PRKCA: variants seen among roughly 807,000 people sequenced by gnomAD.
The protein encoded by PRKCA is protein kinase C alpha, also known as protein kinase C alpha type.
In PRKCA, 27 loss-of-function variants were observed where a neutral mutation model predicts 87.0. That is an observed-to-expected ratio of 0.31 (90% CI 0.23 to 0.43). PRKCA has a LOEUF of 0.43. PRKCA is among the 20% of genes least tolerant of loss of function. The pLI is 1.00. For synonymous variants in PRKCA, 329 were observed against 311.1 expected, an observed-to-expected ratio of 1.06 and a Z score of -0.61; for missense variants, 518 against 852.3, an observed-to-expected ratio of 0.61 and a Z score of 4.88.
At chr17:66,645,100 A>G (rs1016416510) in intron 4 of PRKCA, among the ~76,000 whole-genome samples, 1 of 152,218 alleles carries the variant, frequency 6.6e-6, no homozygotes, top group Non-Finnish European at 1.5e-5. Flanking sequence ...TGAATTTTGT[A>G]TACTGTTAAA....
chr17:66,485,223 T>G (rs1217139105), intron 2 of PRKCA, among the ~76,000 whole-genome samples: 2 of 152,290 alleles, frequency 1.3e-5, no homozygotes, highest in East Asian at 3.9e-4. Context: ...GAATGAACGA[T>G]GCTCCCCCAA....
chr17:66,342,469 A>C (rs902827850), intron 2 of PRKCA, among the ~76,000 whole-genome samples: 45 of 145,278 alleles, frequency 3.1e-4, no homozygotes, highest in African/African-American at 1.1e-3. Context: ...TAATAATAAT[A>C]ATAATAATAA....
intron 8 of PRKCA, among the ~76,000 whole-genome samples, chr17:66,712,409 A>G (rs1973353471): frequency 6.6e-6 from 1 of 152,212 alleles, no homozygotes; most frequent in African/African-American, 2.4e-5. Flanking sequence ...TGTTATTCCA[A>G]AGAAACATCT....
At chr17:66,791,853 G>A (rs1975546591) in intron 16 of PRKCA, among the ~76,000 whole-genome samples, 1 of 152,260 alleles carries the variant, frequency 6.6e-6, no homozygotes, top group Admixed American at 6.5e-5. Context: ...GTTATTCTGG[G>A]ATGTGGTGTT....
At chr17:66,531,406 C>T (rs951861951) in intron 3 of PRKCA, among the ~76,000 whole-genome samples, 1 of 152,170 alleles carries the variant, frequency 6.6e-6, no homozygotes, top group Non-Finnish European at 1.5e-5. Flanking sequence ...TCCACATCTC[C>T]GGGGTGGGAG....
rs568812695 is a variant in PRKCA, at chr17:66,374,274, G to A, written c.205+68147G>A. Among the ~76,000 whole-genome samples, 6 of 152,246 alleles carry A rather than the reference G, an allele frequency of 3.9e-5. No individual in the cohort carries two copies. In the South Asian group the frequency reaches 1.2e-3, roughly 32 times the overall value. ...CAGCTCCCTCAGCCCATGTGTCCCC[G>A]CTTTGCCAGCTCTTCTGTGTGCTAA... On this transcript the variant is annotated intron_variant, in intron 2 of 16. Coordinates refer to ENST00000413366, the MANE Select transcript of PRKCA (RefSeq NM_002737.3).
chr17:66,545,199 C>T lies in PRKCA; in HGVS notation c.288+48916C>T, dbSNP rs184740085. On this transcript the variant is annotated intron_variant, in intron 3 of 16. Transcript: ENST00000413366. ...ATCCCAGCACTTTGGGAGGCCAAGG[C>T]GGGCAGATCACGAGGTCAGGAGATC... Among the ~76,000 whole-genome samples the T allele has an allele frequency of 2.5e-3, 373 of 152,172 alleles. 2 individuals carry two copies. The highest frequency in any genetic ancestry group is 8.4e-3 in the African/African-American group (348 of 41,502).
At chr17:66,738,717 CT>C in intron 10 of PRKCA, 46 bp from the exon 11 acceptor site, 2 of 1,518,884 alleles carry the variant, frequency 1.3e-6, no homozygotes, top group South Asian at 1.1e-5. Flanking sequence ...AAGGAAGCCA[CT>C]TGGCTGGGGA....
chr17:66,532,107 T>G lies in PRKCA; in HGVS notation c.288+35824T>G, dbSNP rs1421661745. 4.0e-5 allele frequency among the ~76,000 whole-genome samples: 6 copies of G among 151,846 alleles called. No homozygotes were observed. The East Asian group carries it at 1.2e-3, about 29-fold the overall frequency. On this transcript the variant is annotated intron_variant, in intron 3 of 16. Coordinates refer to ENST00000413366, the MANE Select transcript of PRKCA (RefSeq NM_002737.3). ...AGGGAACATTGCAGATGGTTTTGCCTTTAGGGATGGATTTTCTTACTCCCA... is the reference window on the plus strand; with the variant it reads ...AGGGAACATTGCAGATGGTTTTGCCGTTAGGGATGGATTTTCTTACTCCCA...
chr17:66,785,907 CA>C (rs1349276764), intron 14 of PRKCA, among the ~76,000 whole-genome samples: 1 of 152,254 alleles, frequency 6.6e-6, no homozygotes, highest in African/African-American at 2.4e-5. Flanking sequence ...CAGCTCACTG[CA>C]AGCCCCGCCT....
chr17:66,710,206 CCTGGG>C (rs1973289317), intron 8 of PRKCA, among the ~76,000 whole-genome samples: 1 of 151,978 alleles, frequency 6.6e-6, no homozygotes, highest in Non-Finnish European at 1.5e-5. Context: ...GAGACCTGCA[CCTGGG>C]GTGCCTCCGG....
At chr17:66,585,768 C>G (rs2143497522) in intron 3 of PRKCA, among the ~76,000 whole-genome samples, 1 of 152,324 alleles carries the variant, frequency 6.6e-6, no homozygotes, top group East Asian at 1.9e-4. Context: ...AAATGTCTCC[C>G]AGCCTTGGTT....
intron 2 of PRKCA, among the ~76,000 whole-genome samples, chr17:66,445,662 C>T (rs1008011066): frequency 6.6e-6 from 1 of 152,162 alleles, no homozygotes; most frequent in Admixed American, 6.5e-5. Context: ...TGCTGTGTGT[C>T]CTGGGCTGTG....
chr17:66,530,598 G>C (rs1309629184), intron 3 of PRKCA, among the ~76,000 whole-genome samples: 2 of 152,142 alleles, frequency 1.3e-5, no homozygotes, highest in African/African-American at 2.4e-5. Context: ...TTGCTCCAAA[G>C]AAGAGAGCAG....
At chr17:66,440,692 C>T (rs1014970932) in intron 2 of PRKCA, among the ~76,000 whole-genome samples, 17 of 152,022 alleles carry the variant, frequency 1.1e-4, no homozygotes, top group Admixed American at 2.6e-4. Flanking sequence ...CGAGGGTGGG[C>T]TAGTGAGAGC....
At chr17:66,514,548 C>T (rs1966901627) in intron 3 of PRKCA, among the ~76,000 whole-genome samples, 1 of 152,160 alleles carries the variant, frequency 6.6e-6, no homozygotes, top group African/African-American at 2.4e-5. Context: ...ATGTCCAGAA[C>T]AGGGCAGTCC....
At chr17:66,759,250 G>A (rs985214505) in intron 13 of PRKCA, among the ~76,000 whole-genome samples, 1 of 152,016 alleles carries the variant, frequency 6.6e-6, no homozygotes, top group African/African-American at 2.4e-5. Flanking sequence ...CAGGTACTCG[G>A]GAGGCTGAGG....
intron 13 of PRKCA, among the ~76,000 whole-genome samples, chr17:66,765,426 A>ATCTATATATCTATATATCTATATATC (rs1343913537): frequency 7.2e-5 from 9 of 124,288 alleles, no homozygotes; most frequent in African/African-American, 2.2e-4. Flanking sequence ...GTCTATATAT[A>ATCTATATATCTATATATCTATATATC]TATATATATA....
intron 2 of PRKCA, among the ~76,000 whole-genome samples, chr17:66,441,436 G>GA (rs5821524): frequency 0.74 from 112,261 of 152,034 alleles, 41,452 homozygotes; most frequent in Middle Eastern, 0.82. Context: ...CCCTGAGGGG[G>GA]AACCTACTTC....
Sources: gnomAD v4.1 joint callset for allele counts (sites outside exome capture counted in the v4.1 genomes callset) on GRCh38, gnomAD v4.1.1 for gene constraint, MANE v1.5 for transcripts, NCBI Gene and HGNC (gene_info 2026-07-23, HGNC 2026-07-21) for gene names.